OCLN: variants seen among roughly 807,000 people sequenced by gnomAD.
OCLN encodes occludin, also known as phosphatase 1, regulatory subunit 115.
Under a neutral mutation model 47.9 loss-of-function variants are expected in OCLN, and 21 were observed. The observed-to-expected ratio is 0.44, with a 90% CI of 0.31 to 0.63. The LOEUF (loss-of-function observed/expected upper bound fraction) is 0.63, where lower values mean the gene tolerates loss of function less well. Ranked by LOEUF, OCLN falls within the 30% of genes least tolerant of loss-of-function variation. OCLN has a pLI of 0.08. For missense variants in OCLN, 360 were observed against 571.0 expected, an observed-to-expected ratio of 0.63 and a Z score of 3.77; for synonymous variants, 117 against 198.4, an observed-to-expected ratio of 0.59 and a Z score of 3.45.
intron 4 of OCLN, among the ~76,000 whole-genome samples, chr5:69,530,315 A>T (rs746940350): frequency 2.2e-4 from 34 of 152,294 alleles, no homozygotes; most frequent in South Asian, 4.1e-4. Flanking sequence ...CATTTCTCTC[A>T]TAATAGGAAA....
intron 6 of OCLN, among the ~76,000 whole-genome samples, chr5:69,547,614 G>A (rs2112084991): frequency 7.6e-6 from 1 of 132,130 alleles, no homozygotes; most frequent in Admixed American, 7.5e-5. Context: ...AACATAAGTA[G>A]TCCATTATTG....
chr5:69,536,164 T>G (rs1214621773), intron 5 of OCLN, among the ~76,000 whole-genome samples: 1 of 152,222 alleles, frequency 6.6e-6, no homozygotes, highest in African/African-American at 2.4e-5. Flanking sequence ...TGTAAGGCAC[T>G]TACCATGAAT....
intron 1 of OCLN, among the ~76,000 whole-genome samples, chr5:69,496,829 A>G (rs1443070441): frequency 6.6e-6 from 1 of 152,166 alleles, no homozygotes; most frequent in Non-Finnish European, 1.5e-5. Context: ...TCAGATTAAC[A>G]TATTTGACAA....
intron 3 of OCLN, 79 bp downstream of exon 3, chr5:69,509,898 G>A: frequency 9.2e-7 from 1 of 1,089,686 alleles, no homozygotes; most frequent in South Asian, 1.2e-5. Context: ...GAATCACTCT[G>A]GAAACTCTTA....
At chr5:69,496,344 C>T (rs1440413589) in intron 1 of OCLN, among the ~76,000 whole-genome samples, 2 of 151,990 alleles carry the variant, frequency 1.3e-5, no homozygotes, top group Non-Finnish European at 2.9e-5. Flanking sequence ...GTGATCCTCC[C>T]GTCTCGGCCC....
At chr5:69,495,670 AGACATTTGAT>A (rs1768268335) in intron 1 of OCLN, among the ~76,000 whole-genome samples, 3 of 152,158 alleles carry the variant, frequency 2.0e-5, no homozygotes, top group Admixed American at 2.0e-4. Context: ...TGGTCAAAAT[AGACATTTGAT>A]GTCTGGGATA....
intron 1 of OCLN, among the ~76,000 whole-genome samples, chr5:69,503,288 C>T (rs1305466188): frequency 1.3e-5 from 2 of 152,182 alleles, no homozygotes; most frequent in East Asian, 1.9e-4. Flanking sequence ...CCTCCCTTGC[C>T]GAGAATCACG....
rs1370478163 is a variant in OCLN at position 69,505,471 on chromosome 5, C to G, written c.50+1177C>G. 2.0e-5 allele frequency among the ~76,000 whole-genome samples: 3 copies of G among 152,128 alleles called. No homozygotes were observed. In the East Asian group the frequency reaches 5.8e-4, roughly 29 times the overall value. On this transcript the variant is annotated intron_variant, in intron 2 of 8. Coordinates refer to ENST00000396442, the MANE Select transcript of OCLN (RefSeq NM_001205254.2). ...CCATCAGCCCTAAGCAACTATTGGT[C>G]TACTTTCTGTCTCTATAGATTTGTC...
At chr5:69,495,127 G>A (rs982144127) in intron 1 of OCLN, among the ~76,000 whole-genome samples, 3 of 152,102 alleles carry the variant, frequency 2.0e-5, no homozygotes, top group African/African-American at 7.2e-5. Flanking sequence ...ATCTTCCTAG[G>A]AACCTCCCAG....
At chr5:69,496,029 A>T (rs1768277844) in intron 1 of OCLN, among the ~76,000 whole-genome samples, 1 of 152,212 alleles carries the variant, frequency 6.6e-6, no homozygotes, top group Non-Finnish European at 1.5e-5. Flanking sequence ...AATCTGCCTA[A>T]CTTCAAATTT....
intron 4 of OCLN, among the ~76,000 whole-genome samples, chr5:69,515,511 C>T (rs1218345523): frequency 5.9e-5 from 8 of 135,076 alleles, no homozygotes; most frequent in Non-Finnish European, 9.6e-5. Flanking sequence ...ACCTCCCGGA[C>T]GGGGCGGCTG....
chr5:69,514,104 G>A lies in OCLN; in HGVS notation c.886G>A (p.Glu296Lys), dbSNP rs750576924. 1.2e-6 allele frequency: 2 copies of A among 1,613,934 alleles called. No individual in the cohort carries two copies. Among genetic ancestry groups the A allele is most frequent in the Non-Finnish European group, 1.7e-6 (2 of 1,179,848 alleles). ...TGATGAGCAGCCCCCCAATGTCGAG[G>A]AGTGGGTAAGTGTTAAAAAATAACT... ...IYDEQPPNVE[E>K]WVKNVSAGTQ... is the part of the protein sequence containing the mutation. Residue 296 changes from glutamate (E) to lysine (K), a missense_variant, in exon 4 of 9, where the codon GAG becomes AAG. Around this residue, in one of 3 missense-constraint regions of OCLN, gnomAD observed 314 missense variants for 368.1 expected, o/e 0.85. Transcript: ENST00000396442.
intron 4 of OCLN, among the ~76,000 whole-genome samples, chr5:69,529,794 G>T (rs1053577103): frequency 3.9e-5 from 6 of 151,952 alleles, no homozygotes; most frequent in Admixed American, 1.3e-4. Flanking sequence ...GTAGAGATGG[G>T]GTTTCACCTT....
At chr5:69,527,076 G>A (rs1178490729) in intron 4 of OCLN, among the ~76,000 whole-genome samples, 2 of 152,218 alleles carry the variant, frequency 1.3e-5, no homozygotes, top group East Asian at 1.9e-4. Context: ...TCAGGAGTTC[G>A]AGACAAGCTG....
intron 2 of OCLN, 132 bp from the exon 3 acceptor site, chr5:69,509,009 C>T: frequency 1.3e-6 from 1 of 791,012 alleles, no homozygotes; most frequent in Middle Eastern, 2.9e-4. Flanking sequence ...AACAAGCCCT[C>T]CAGGTGATTC....
At chr5:69,526,964 A>G (rs1011362985) in intron 4 of OCLN, among the ~76,000 whole-genome samples, 3 of 152,188 alleles carry the variant, frequency 2.0e-5, no homozygotes, top group African/African-American at 4.8e-5. Context: ...ATGTATTACA[A>G]TTAGGCCCTG....
chr5:69,533,155 G>A (rs1222081269), intron 4 of OCLN, among the ~76,000 whole-genome samples: 1 of 151,136 alleles, frequency 6.6e-6, no homozygotes, highest in East Asian at 1.9e-4. Context: ...ATACAGTGTT[G>A]GGAGTCTAGT....
At chr5:69,503,283 C>G (rs1561331426) in intron 1 of OCLN, among the ~76,000 whole-genome samples, 1 of 152,162 alleles carries the variant, frequency 6.6e-6, no homozygotes. Context: ...TTACACCTCC[C>G]TTGCCGAGAA....
chr5:69,518,890 C>G (rs1194114583), intron 4 of OCLN, among the ~76,000 whole-genome samples: 4 of 152,052 alleles, frequency 2.6e-5, no homozygotes, highest in African/African-American at 9.7e-5. Flanking sequence ...GTCTGTAATC[C>G]CAGTACTTGC....
Sources: gnomAD v4.1 joint callset for allele counts (sites outside exome capture counted in the v4.1 genomes callset) on GRCh38, gnomAD v4.1.1 for gene constraint, gnomAD v4.1.1 regional missense constraint, MANE v1.5 for transcripts, NCBI Gene and HGNC (gene_info 2026-07-23, HGNC 2026-07-21) for gene names.